The following ZBTB20 variants were observed in gnomAD, a reference collection of about 807,000 sequenced individuals.
The protein encoded by ZBTB20 is zinc finger and BTB domain containing 20.
Under a neutral mutation model 56.9 loss-of-function variants are expected in ZBTB20, and 9 were observed. The ratio of observed to expected loss-of-function variants is 0.16; its 90% CI spans 0.10 to 0.28. The LOEUF (loss-of-function observed/expected upper bound fraction) is 0.28, where lower values mean the gene tolerates loss of function less well. Among genes scored for constraint, ZBTB20 ranks in the 10% least tolerant of loss-of-function variants. The pLI, the probability that ZBTB20 is intolerant of heterozygous loss-of-function variation, is 1.00. For missense variants in ZBTB20, 655 were observed against 1,003.0 expected (o/e 0.65, Z 4.69); for synonymous variants, 417 against 420.7 (o/e 0.99, Z 0.11).
intron 4 of ZBTB20, among the ~76,000 whole-genome samples, chr3:114,832,207 C>T (rs2073886548): frequency 6.6e-6 from 1 of 152,052 alleles, no homozygotes; most frequent in Non-Finnish European, 1.5e-5. Context: ...TGCTATCTTG[C>T]TGAATTTCAG....
At chr3:114,395,260 G>A (rs1004403739) in intron 7 of ZBTB20, among the ~76,000 whole-genome samples, 1 of 152,098 alleles carries the variant, frequency 6.6e-6, no homozygotes, top group Non-Finnish European at 1.5e-5. Flanking sequence ...TAGCAGAGAG[G>A]TCATTGTGGG....
intron 5 of ZBTB20, among the ~76,000 whole-genome samples, chr3:114,766,600 T>G (rs148500252): frequency 1.3e-3 from 200 of 151,860 alleles, no homozygotes; most frequent in Middle Eastern, 6.8e-3. Context: ...TATAGCGTTA[T>G]ACAATGTGTT....
At chr3:114,410,718 G>C (rs1015947856) in intron 7 of ZBTB20, among the ~76,000 whole-genome samples, 1 of 152,220 alleles carries the variant, frequency 6.6e-6, no homozygotes, top group East Asian at 1.9e-4. Flanking sequence ...TCGTGGGGGT[G>C]AGGAAGAAAT....
At chr3:114,873,960 C>T (rs1264216260) in intron 4 of ZBTB20, 2 of 152,142 alleles carry the variant, frequency 1.3e-5, no homozygotes, top group South Asian at 2.1e-4. Flanking sequence ...CAAGAACCAA[C>T]ACTGCCTGGA....
intron 6 of ZBTB20, among the ~76,000 whole-genome samples, chr3:114,517,656 ACCCTCTGCCTC>A (rs1252020214): frequency 6.7e-6 from 1 of 150,266 alleles, no homozygotes; most frequent in Non-Finnish European, 1.5e-5. Flanking sequence ...GGCTCACTGC[ACCCTCTGCCTC>A]CCGGGTTCAA....
intron 5 of ZBTB20, among the ~76,000 whole-genome samples, chr3:114,703,275 C>A (rs2063506552): frequency 2.0e-5 from 3 of 152,118 alleles, no homozygotes; most frequent in African/African-American, 7.2e-5. Context: ...TCTGGTCCCT[C>A]TTCTCTCATC....
intron 1 of ZBTB20, among the ~76,000 whole-genome samples, chr3:115,137,823 T>G (rs2084693064): frequency 6.6e-6 from 1 of 152,052 alleles, no homozygotes; most frequent in Admixed American, 6.6e-5. Flanking sequence ...GAACAGTGAT[T>G]TCCAAATTGG....
At position 114,816,963 on chromosome 3, in the gene ZBTB20, TA is replaced by T. The variant is rs796762030; in HGVS notation, c.-416-15790del. Among the ~76,000 whole-genome samples the T allele has an allele frequency of 9.5e-4, 144 of 151,572 alleles. 1 individual carries two copies. Among genetic ancestry groups the T allele is most frequent in the African/African-American group, 3.2e-3 (134 of 41,296 alleles). ...CTATCCAGTGTAGTTTCCAAGACAATAAAAAAAATTGCAGAAGTAAATATAT... is the reference window on the plus strand; with the variant it reads ...CTATCCAGTGTAGTTTCCAAGACAATAAAAAAATTGCAGAAGTAAATATAT... On this transcript the variant is annotated intron_variant, in intron 4 of 11. Coordinates refer to ENST00000675478, the MANE Select transcript of ZBTB20 (RefSeq NM_001348800.3).
intron 3 of ZBTB20, among the ~76,000 whole-genome samples, chr3:114,927,287 C>A (rs1303077016): frequency 1.3e-5 from 2 of 152,186 alleles, no homozygotes; most frequent in Admixed American, 1.3e-4. Flanking sequence ...CCTGCCCTTA[C>A]GAACCGAACC....
intron 7 of ZBTB20, among the ~76,000 whole-genome samples, chr3:114,453,256 CTA>C: frequency 1.3e-5 from 2 of 152,262 alleles, no homozygotes; most frequent in East Asian, 3.9e-4. Context: ...TCCATCTAGA[CTA>C]TATTTTGCAT....
intron 3 of ZBTB20, among the ~76,000 whole-genome samples, chr3:114,915,284 G>A (rs948795283): frequency 6.6e-6 from 1 of 151,704 alleles, no homozygotes; most frequent in Non-Finnish European, 1.5e-5. Flanking sequence ...GGAATTCATG[G>A]TTCAATCCTG....
chr3:115,064,443 C>CTTTTTTTT (rs34098178), intron 2 of ZBTB20, among the ~76,000 whole-genome samples: 9 of 78,044 alleles, frequency 1.2e-4, no homozygotes, highest in South Asian at 5.9e-4. Context: ...TCTCATAATT[C>CTTTTTTTT]TTTTTTTTTT....
chr3:114,944,330 T>TA (rs1364725653), intron 3 of ZBTB20, among the ~76,000 whole-genome samples: 1 of 145,594 alleles, frequency 6.9e-6, no homozygotes. Flanking sequence ...TAAAAGACAG[T>TA]AAGGGTTGGC....
At chr3:114,894,217 T>C (rs1242328972) in intron 4 of ZBTB20, among the ~76,000 whole-genome samples, 1 of 152,198 alleles carries the variant, frequency 6.6e-6, no homozygotes, top group Non-Finnish European at 1.5e-5. Context: ...ACATTTTGTT[T>C]TCTCACCTGC....
At chr3:114,988,259 C>T (rs1441693599) in intron 2 of ZBTB20, among the ~76,000 whole-genome samples, 56 of 141,632 alleles carry the variant, frequency 4.0e-4, no homozygotes, top group Non-Finnish European at 5.7e-4. Flanking sequence ...CCTCCCCCAA[C>T]CCCATGACAG....
intron 5 of ZBTB20, among the ~76,000 whole-genome samples, chr3:114,779,897 C>T (rs2069940835): frequency 6.6e-6 from 1 of 152,158 alleles, no homozygotes; most frequent in Non-Finnish European, 1.5e-5. Flanking sequence ...AATAAACACC[C>T]CTTGATTACA....
At chr3:115,129,824 G>C (rs2084449093) in intron 1 of ZBTB20, among the ~76,000 whole-genome samples, 1 of 152,068 alleles carries the variant, frequency 6.6e-6, no homozygotes. Flanking sequence ...AATAAACGAA[G>C]AAATTTTAGA....
At chr3:114,521,922 A>C (rs991279811) in intron 6 of ZBTB20, among the ~76,000 whole-genome samples, 1 of 152,166 alleles carries the variant, frequency 6.6e-6, no homozygotes, top group African/African-American at 2.4e-5. Context: ...GGAAAGAATC[A>C]GTTATTACTT....
intron 5 of ZBTB20, among the ~76,000 whole-genome samples, chr3:114,792,708 T>C (rs910963908): frequency 1.3e-5 from 2 of 152,110 alleles, no homozygotes; most frequent in African/African-American, 4.8e-5. Flanking sequence ...AATTCAGGGT[T>C]ATGTTTGCAG....
Sources: gnomAD v4.1 joint callset for allele counts (sites outside exome capture counted in the v4.1 genomes callset) on GRCh38, gnomAD v4.1.1 for gene constraint, MANE v1.5 for transcripts, NCBI Gene and HGNC (gene_info 2026-07-23, HGNC 2026-07-21) for gene names.